The following COL7A1 variants were observed in gnomAD, a reference collection of about 807,000 sequenced individuals.
The protein encoded by COL7A1 is collagen alpha-1(VII) chain.
In COL7A1, 296 loss-of-function variants were observed where a neutral mutation model predicts 456.2. The observed-to-expected ratio is 0.65, with a 90% CI of 0.59 to 0.71. The LOEUF is 0.71. COL7A1 is among the 30% of genes least tolerant of loss of function. The pLI, the probability that COL7A1 is intolerant of heterozygous loss-of-function variation, is 0.00. For missense variants in COL7A1, 3,441 were observed against 4,017.2 expected (o/e 0.86, Z 3.88); for synonymous variants, 1,464 against 1,525.9 (o/e 0.96, Z 0.95).
In COL7A1 at chr3:48,586,470, C is replaced by T. The variant is rs145048666; in HGVS notation, c.3412G>A (p.Val1138Met). 53 of 1,613,798 alleles carry T rather than the reference C, an allele frequency of 3.3e-5. No individual in the cohort carries two copies. The South Asian group carries it at 3.6e-4, about 11-fold the overall frequency. The change falls in exon 27 of 119, where the codon GTG (valine) becomes ATG (methionine). Residue 1138 changes from valine to methionine, a missense_variant. Val to Met is a conservative substitution (Grantham distance 21). This residue lies in a region of COL7A1 where 2,084 missense variants were observed against 2,501.3 expected (regional missense o/e 0.83). Coordinates refer to ENST00000681320, the MANE Select transcript of COL7A1 (RefSeq NM_000094.4). The surrounding 1 kb of genome is among the most constrained non-coding windows in gnomAD (Gnocchi z 5.1). Reference protein sequence around the residue: ...DPSGNNLGTAVVTAHRYMLAP... With the variant: ...DPSGNNLGTAMVTAHRYMLAP... ...AACATGTATCTGTGAGCTGTGACCA[C>T]GGCTGTGCCTGGAAGGAAGGACATG... is the stretch of plus-strand genomic sequence containing the variant.
At position 48,581,633 on chromosome 3, in the gene COL7A1, C is replaced by A. The variant is rs758512417; in HGVS notation, c.4723-1G>T. The stretch of plus-strand genomic sequence containing the variant: ...CAGGAAGAACCAAGCCGGGTGGGCC[C>A]TGTGGATGGAAGGATAAGAAGTCAG... On this transcript the variant is annotated splice_acceptor_variant, in intron 49 of 118. Transcript: ENST00000681320. LOFTEE classifies it high-confidence loss of function. This position sits in a 1 kb window ranked among gnomAD's most constrained non-coding sequence, Gnocchi z 5.8. The A allele has an allele frequency of 6.2e-6, 10 of 1,614,184 alleles. No homozygotes were observed. The highest frequency in any genetic ancestry group is 8.5e-6 in the Non-Finnish European group (10 of 1,180,040).
At position 48,565,443 on chromosome 3, in the gene COL7A1, G is replaced by T. The variant is rs2043561487; in HGVS notation, c.8494C>A (p.Pro2832Thr). The part of the protein sequence containing the change: ...DTAGSQLHAV[P>T]VLRVSHAEEE... ...TCTGCATGAGAGACGCGGAGCACAG[G>T]CACAGCATGGAGCTGGGAGCCGGCA... is the stretch of plus-strand genomic sequence containing the variant. Residue 2832 changes from proline (P) to threonine (T), a missense_variant, in exon 116 of 119, where the codon CCT (proline) becomes ACT (threonine). Coordinates refer to ENST00000681320, the MANE Select transcript of COL7A1 (RefSeq NM_000094.4). The surrounding 1 kb of genome is among the most constrained non-coding windows in gnomAD (Gnocchi z 4.5). The T allele has an allele frequency of 1.2e-6, 2 of 1,612,810 alleles. No homozygotes were observed. Among genetic ancestry groups the T allele is most frequent in the South Asian group, 2.2e-5 (2 of 90,810 alleles).
At chr3:48,582,538 C>T (rs1456360992) in intron 45 of COL7A1, 25 bp from the exon 46 acceptor site, 2 of 1,613,960 alleles carry the variant, frequency 1.2e-6, no homozygotes, top group South Asian at 2.2e-5. Flanking sequence ...AGTGTGAGCC[C>T]AGGAGGGGAA....
At position 48,590,261 on chromosome 3, in the gene COL7A1, G is replaced by A. The variant is rs144714059; in HGVS notation, c.2002C>T (p.Leu668=). The A allele has an allele frequency of 6.2e-7, 1 of 1,613,808 alleles. No individual in the cohort carries two copies. Among genetic ancestry groups the A allele is most frequent in the African/African-American group, 1.3e-5 (1 of 74,912 alleles). ...GTTYQVAVSV[L]RGREEGPAAV... ...GCAGGGCCCTCCTCTCTGCCTCGCAGTACCGACACAGCCACCTGGTAGGTG... is the reference window on the plus strand; with the variant it reads ...GCAGGGCCCTCCTCTCTGCCTCGCAATACCGACACAGCCACCTGGTAGGTG... Residue 668 remains leucine (L), a synonymous_variant, in exon 16 of 119, where the codon CTG becomes TTG. Transcript: ENST00000681320. This position sits in a 1 kb window ranked among gnomAD's most constrained non-coding sequence, Gnocchi z 4.6.
intron 47 of COL7A1, 37 bp downstream of exon 47, chr3:48,582,286 T>A: frequency 6.2e-7 from 1 of 1,613,796 alleles, no homozygotes; most frequent in Non-Finnish European, 8.5e-7. Flanking sequence ...GCTCAAGGGC[T>A]GTGCTGTGCT....
At position 48,589,580 on chromosome 3, in the gene COL7A1, C is replaced by G; in HGVS notation, c.2170+19G>C. The G allele has an allele frequency of 6.2e-7, 1 of 1,613,264 alleles. No individual in the cohort carries two copies. Among genetic ancestry groups the G allele is most frequent in the Non-Finnish European group, 8.5e-7 (1 of 1,179,894 alleles). ...CCCATTCCACCCTGACCTGCCCCCT[C>G]CCAAACCCCAGTCCCCACCGTGGGC... On this transcript the variant is annotated intron_variant, in intron 17 of 118. Transcript: ENST00000681320.
rs769652554 is a variant in COL7A1 at position 48,567,896 on chromosome 3, G to A, written c.7876-5C>T. ...TCCCTTCACTCCCCGTTCACCCTGA[G>A]GGAGAAAAGCAGATGAAGAAGTGAT... On this transcript the variant is annotated splice_region_variant and splice_polypyrimidine_tract_variant and intron_variant, in intron 106 of 118. Coordinates refer to ENST00000681320, the MANE Select transcript of COL7A1 (RefSeq NM_000094.4). This position sits in a 1 kb window ranked among gnomAD's most constrained non-coding sequence, Gnocchi z 4.3. The A allele has an allele frequency of 6.2e-7, 1 of 1,614,064 alleles. No individual in the cohort carries two copies. Among genetic ancestry groups the A allele is most frequent in the East Asian group, 2.2e-5 (1 of 44,866 alleles).
chr3:48,576,402 G>C lies in COL7A1; in HGVS notation c.5770C>G (p.Gln1924Glu). 1 of 1,613,774 alleles carries C rather than the reference G, an allele frequency of 6.2e-7. No homozygotes were observed. Among genetic ancestry groups the C allele is most frequent in the Non-Finnish European group, 8.5e-7 (1 of 1,179,986 alleles). ...TGTGGAAAAGGTGGGGGCCTCACCT[G>C]CTCCCCTTTGGATCCAGTCTCCCCA... is the stretch of plus-strand genomic sequence containing the variant. ...DRGETGSKGE[Q>E]GLPGERGLRG... Residue 1924 changes from glutamine (Q) to glutamate (E), a missense_variant and splice_region_variant, in exon 70 of 119, where the codon CAG becomes GAG. Gln to Glu is a conservative substitution (Grantham distance 29). Transcript: ENST00000681320.
At position 48,587,239 on chromosome 3, in the gene COL7A1, A is replaced by C. The variant is rs550700704; in HGVS notation, c.3090T>G (p.Pro1030=). ...PGVSYIFSLT[P]VLDGVRGPEA... ...CAGGACCCCGCACACCATCCAGGAC[A>C]GGCGTCAGGGAGAAGATGTAAGAGA... Residue 1030 remains proline (P), a synonymous_variant, in exon 24 of 119, where the codon CCT becomes CCG. Coordinates refer to ENST00000681320, the MANE Select transcript of COL7A1 (RefSeq NM_000094.4). The surrounding 1 kb of genome is among the most constrained non-coding windows in gnomAD (Gnocchi z 6.1). 6 of 1,613,416 alleles carry C rather than the reference A, an allele frequency of 3.7e-6. No individual in the cohort carries two copies. In the South Asian group the frequency reaches 5.5e-5, roughly 15 times the overall value.
chr3:48,579,932 G>C lies in COL7A1; in HGVS notation c.5124+99C>G, dbSNP rs1021005058. 1.8e-5 allele frequency: 29 copies of C among 1,605,872 alleles called. No homozygotes were observed. Among genetic ancestry groups the C allele is most frequent in the Non-Finnish European group, 2.3e-5 (27 of 1,172,582 alleles). Reference sequence around the variant, plus strand: ...CGCGGAGGTTTCAGAGGGACAGTGGGGGAAGTGGGAGTTAGTGGAAGGAAT... The same window carrying C: ...CGCGGAGGTTTCAGAGGGACAGTGGCGGAAGTGGGAGTTAGTGGAAGGAAT... On this transcript the variant is annotated intron_variant, in intron 57 of 118. Transcript: ENST00000681320. The surrounding 1 kb of genome is among the most constrained non-coding windows in gnomAD (Gnocchi z 4.4).
Position 48,576,719 on chromosome 3 carries a change from TG to T in COL7A1, c.5656del (p.Gln1886ArgfsTer119). The T allele has an allele frequency of 1.2e-6, 2 of 1,610,848 alleles. No individual in the cohort carries two copies. ...TGGCCCTGGGAGGCCTGGAGGCCCC[TG>T]GGGTCCAAGGATACCAGGAGCTCCA... ...ERGAPGILGP[Q>X]GPPGLPGPVG... On this transcript the variant is annotated frameshift_variant, in exon 68 of 119. Transcript: ENST00000681320. LOFTEE classifies it high-confidence loss of function.
rs766453199 is a variant in COL7A1 at position 48,581,192 on chromosome 3, ACCCCCATGAT to A, written c.4900-45_4900-36del. 5.0e-6 allele frequency: 8 copies of A among 1,608,552 alleles called. No individual in the cohort carries two copies. Among genetic ancestry groups the A allele is most frequent in the Non-Finnish European group, 6.8e-6 (8 of 1,178,170 alleles). On this transcript the variant is annotated intron_variant, in intron 52 of 118. Transcript: ENST00000681320. The surrounding 1 kb of genome is among the most constrained non-coding windows in gnomAD (Gnocchi z 5.8). ...ATGAGAGTCAGCCCTGGTTCCAAGA[ACCCCCATGAT>A]GCTGGCAACAGCCCTACTCCCTTAC...
At position 48,568,021 on chromosome 3, in the gene COL7A1, C is replaced by T; in HGVS notation, c.7875+69G>A. On this transcript the variant is annotated intron_variant, in intron 106 of 118. Transcript: ENST00000681320. This position sits in a 1 kb window ranked among gnomAD's most constrained non-coding sequence, Gnocchi z 5.2. Reference sequence around the variant, plus strand: ...CTGACCCAGTGCCCTAATATCTGACCCCAGGTCCCTCGCCCTTCAACATTA... The same window carrying T: ...CTGACCCAGTGCCCTAATATCTGACTCCAGGTCCCTCGCCCTTCAACATTA... 1.2e-6 allele frequency: 2 copies of T among 1,605,138 alleles called. No individual in the cohort carries two copies. The highest frequency in any genetic ancestry group is 2.2e-5 in the South Asian group (2 of 90,876).
chr3:48,580,877 C>T lies in COL7A1; in HGVS notation c.4980+5G>A. 1.2e-6 allele frequency: 2 copies of T among 1,614,130 alleles called. No homozygotes were observed. The highest frequency in any genetic ancestry group is 1.1e-5 in the South Asian group (1 of 91,084). ...CCCCTGTTACTTCTCTCTGCCAAGA[C>T]TCACCCGAAGGCCACGCTCGCCTGC... On this transcript the variant is annotated splice_donor_5th_base_variant and intron_variant, in intron 54 of 118. Transcript: ENST00000681320. The surrounding 1 kb of genome is among the most constrained non-coding windows in gnomAD (Gnocchi z 4.5).
rs757080390 is a variant in COL7A1, at chr3:48,575,587, A to G, written c.5979+39T>C. 6.2e-7 allele frequency: 1 copy of G among 1,611,812 alleles called. No homozygotes were observed. Among genetic ancestry groups the G allele is most frequent in the Non-Finnish European group, 8.5e-7 (1 of 1,179,786 alleles). On this transcript the variant is annotated intron_variant, in intron 73 of 118. Coordinates refer to ENST00000681320, the MANE Select transcript of COL7A1 (RefSeq NM_000094.4). This position sits in a 1 kb window ranked among gnomAD's most constrained non-coding sequence, Gnocchi z 6.3. ...GCTGGTGGCTGTACAGCTACACCCCACTCCACGGGGCACAACCCACTGAGC... is the reference window on the plus strand; with the variant it reads ...GCTGGTGGCTGTACAGCTACACCCCGCTCCACGGGGCACAACCCACTGAGC...
chr3:48,582,082 A>G, intron 47 of COL7A1, 139 bp from the exon 48 acceptor site: 1 of 1,354,678 alleles, frequency 7.4e-7, no homozygotes, highest in Non-Finnish European at 1.1e-6. Flanking sequence ...CACCGCTGAC[A>G]GCAGGGAAGG....
At position 48,580,158 on chromosome 3, in the gene COL7A1, C is replaced by G; in HGVS notation, c.5098-101G>C. The G allele has an allele frequency of 6.4e-7, 1 of 1,553,668 alleles. No homozygotes were observed. The highest frequency in any genetic ancestry group is 1.1e-5 in the South Asian group (1 of 88,072). On this transcript the variant is annotated intron_variant, in intron 56 of 118. Coordinates refer to ENST00000681320, the MANE Select transcript of COL7A1 (RefSeq NM_000094.4). The surrounding 1 kb of genome is among the most constrained non-coding windows in gnomAD (Gnocchi z 4.5). ...CTCTGCCCCCAAGTTCCCCGAAGCA[C>G]CCCAATGCCAGCCCCCAGCAGGCAT...
In COL7A1 at chr3:48,565,464, C is replaced by T. The variant is rs139308059; in HGVS notation, c.8473G>A (p.Gly2825Ser). The change falls in exon 116 of 119, where the codon GGC becomes AGC. Residue 2825 changes from glycine to serine, a missense_variant. Coordinates refer to ENST00000681320, the MANE Select transcript of COL7A1 (RefSeq NM_000094.4). This position sits in a 1 kb window ranked among gnomAD's most constrained non-coding sequence, Gnocchi z 4.5. The part of the protein sequence containing the change: ...PLPSYAADTA[G>S]SQLHAVPVLR... ...ACAGGCACAGCATGGAGCTGGGAGC[C>T]GGCAGTGTCTGCAGCATAACTAGGG... 39 of 1,613,228 alleles carry T rather than the reference C, an allele frequency of 2.4e-5. No individual in the cohort carries two copies. Among genetic ancestry groups the T allele is most frequent in the African/African-American group, 1.3e-4 (10 of 75,036 alleles).
chr3:48,587,101 G>A lies in COL7A1; in HGVS notation c.3147C>T (p.Pro1049=). The change falls in exon 25 of 119, where the codon CCC becomes CCT. Residue 1049 remains proline (P), a synonymous_variant. Transcript: ENST00000681320. The surrounding 1 kb of genome is among the most constrained non-coding windows in gnomAD (Gnocchi z 6.1). ...EASVTQTPVC[P]RGLADVVFLP... ...GGAACACCACATCCGCCAGGCCACGGGGGCACACTGTAGGAAGGGGAACAA... is the reference window on the plus strand; with the variant it reads ...GGAACACCACATCCGCCAGGCCACGAGGGCACACTGTAGGAAGGGGAACAA... 6.2e-7 allele frequency: 1 copy of A among 1,612,954 alleles called. No individual in the cohort carries two copies. The highest frequency in any genetic ancestry group is 8.5e-7 in the Non-Finnish European group (1 of 1,179,664).
Sources: gnomAD v4.1 joint callset for allele counts on GRCh38, gnomAD v4.1.1 for gene constraint, gnomAD v4.1.1 regional missense constraint, Gnocchi (gnomAD v3.1) non-coding constraint, MANE v1.5 for transcripts, NCBI Gene and HGNC (gene_info 2026-07-23, HGNC 2026-07-21) for gene names.